The following KIAA1958 variants were observed in gnomAD, a reference collection of about 807,000 sequenced individuals.
KIAA1958 encodes the protein KIAA1958.
A neutral mutation model predicts 47.2 loss-of-function variants in KIAA1958; 14 were observed. That is an observed-to-expected ratio of 0.30 (90% CI 0.20 to 0.46). The LOEUF (loss-of-function observed/expected upper bound fraction) is 0.46, where lower values mean the gene tolerates loss of function less well. KIAA1958 is among the 20% of genes least tolerant of loss of function. The pLI, the probability that KIAA1958 is intolerant of heterozygous loss-of-function variation, is 1.00. For missense variants in KIAA1958, 803 were observed against 909.2 expected, an observed-to-expected ratio of 0.88 and a Z score of 1.50; for synonymous variants, 354 against 353.3, an observed-to-expected ratio of 1.00 and a Z score of -0.02.
At chr9:112,659,128 C>G (rs1588057241) in intron 3 of KIAA1958, 135 bp from the exon 4 acceptor site, 1 of 683,476 alleles carries the variant, frequency 1.5e-6, no homozygotes, top group East Asian at 2.6e-5. Flanking sequence ...GTTTGAAATT[C>G]ACTGTTCTTT....
At chr9:112,532,705 C>T (rs1283410614) in intron 1 of KIAA1958, among the ~76,000 whole-genome samples, 3 of 152,202 alleles carry the variant, frequency 2.0e-5, no homozygotes, top group African/African-American at 7.2e-5. Flanking sequence ...GGATTAGTTC[C>T]TCCAGTTTGT....
At chr9:112,632,095 A>G (rs1836719605) in intron 2 of KIAA1958, among the ~76,000 whole-genome samples, 1 of 152,134 alleles carries the variant, frequency 6.6e-6, no homozygotes, top group Admixed American at 6.5e-5. Context: ...ACTTGCAAAT[A>G]TAATATGTTC....
chr9:112,589,796 C>T (rs575491141), intron 2 of KIAA1958, among the ~76,000 whole-genome samples: 28 of 152,266 alleles, frequency 1.8e-4, no homozygotes, highest in African/African-American at 6.0e-4. Flanking sequence ...CCAGTACCCA[C>T]GATAGAGGTC....
intron 2 of KIAA1958, among the ~76,000 whole-genome samples, chr9:112,610,375 A>G (rs940066514): frequency 1.2e-4 from 18 of 152,156 alleles, no homozygotes; most frequent in African/African-American, 3.4e-4. Flanking sequence ...AGAAAAAAGT[A>G]GAACCAATGA....
chr9:112,556,081 A>C (rs1052233566), intron 1 of KIAA1958, among the ~76,000 whole-genome samples: 1 of 151,548 alleles, frequency 6.6e-6, no homozygotes, highest in African/African-American at 2.4e-5. Context: ...CTCTGTCTCC[A>C]AAAAAAAAGC....
chr9:112,501,674 A>G (rs1834143007), intron 1 of KIAA1958, among the ~76,000 whole-genome samples: 1 of 152,200 alleles, frequency 6.6e-6, no homozygotes, highest in African/African-American at 2.4e-5. Flanking sequence ...AGAGACGGGA[A>G]GGGCATGAGG....
chr9:112,491,412 TC>T (rs1833966227), intron 1 of KIAA1958, among the ~76,000 whole-genome samples: 1 of 152,152 alleles, frequency 6.6e-6, no homozygotes, highest in Admixed American at 6.5e-5. Context: ...AGGGAGTAGC[TC>T]CCCCCTTGGT....
intron 1 of KIAA1958, among the ~76,000 whole-genome samples, chr9:112,534,858 T>A (rs1834824549): frequency 6.6e-6 from 1 of 152,212 alleles, no homozygotes; most frequent in Non-Finnish European, 1.5e-5. Context: ...TTTTTCTTAT[T>A]GATTTATGAA....
chr9:112,529,953 C>CTGGGA (rs1834725416), intron 1 of KIAA1958, among the ~76,000 whole-genome samples: 1 of 152,106 alleles, frequency 6.6e-6, no homozygotes, highest in Non-Finnish European at 1.5e-5. Context: ...ACACCATTCT[C>CTGGGA]CTGCCTCAGC....
intron 2 of KIAA1958, among the ~76,000 whole-genome samples, chr9:112,587,534 C>T (rs1338347677): frequency 2.0e-5 from 3 of 152,144 alleles, no homozygotes; most frequent in Non-Finnish European, 4.4e-5. Flanking sequence ...TAGGTAAGAA[C>T]AGTGATCAGA....
At chr9:112,627,250 G>C (rs764329858) in intron 2 of KIAA1958, among the ~76,000 whole-genome samples, 2 of 152,094 alleles carry the variant, frequency 1.3e-5, no homozygotes, top group Admixed American at 6.5e-5. Flanking sequence ...CAAGAATTCT[G>C]AACTTTTCTA....
chr9:112,631,462 T>G (rs1221754530), intron 2 of KIAA1958, among the ~76,000 whole-genome samples: 2 of 135,846 alleles, frequency 1.5e-5, no homozygotes, highest in African/African-American at 5.7e-5. Context: ...GGAAAGGAGA[T>G]AGGGAATGCA....
chr9:112,583,484 T>TA (rs1332437990), intron 2 of KIAA1958, among the ~76,000 whole-genome samples: 1 of 152,178 alleles, frequency 6.6e-6, no homozygotes, highest in Non-Finnish European at 1.5e-5. Flanking sequence ...ATGCCTGTCT[T>TA]AGACTTTCTC....
chr9:112,608,273 CTAA>C (rs1232414163), intron 2 of KIAA1958, among the ~76,000 whole-genome samples: 2 of 152,058 alleles, frequency 1.3e-5, no homozygotes, highest in African/African-American at 4.8e-5. Flanking sequence ...GATATTTAAA[CTAA>C]TAATTTAAAC....
chr9:112,631,944 C>T (rs1270962027), intron 2 of KIAA1958, among the ~76,000 whole-genome samples: 1 of 152,096 alleles, frequency 6.6e-6, no homozygotes, highest in Non-Finnish European at 1.5e-5. Flanking sequence ...TAAAGAACAT[C>T]CTTGAGGATA....
intron 2 of KIAA1958, among the ~76,000 whole-genome samples, chr9:112,630,547 T>G (rs1836692715): frequency 6.6e-6 from 1 of 152,224 alleles, no homozygotes; most frequent in Non-Finnish European, 1.5e-5. Flanking sequence ...TAAAATTAAC[T>G]TATTTTTAAG....
intron 1 of KIAA1958, among the ~76,000 whole-genome samples, chr9:112,506,034 T>C (rs1192826687): frequency 1.3e-5 from 2 of 152,210 alleles, no homozygotes; most frequent in Non-Finnish European, 2.9e-5. Context: ...ACTCATATAA[T>C]GGATATAATT....
intron 2 of KIAA1958, among the ~76,000 whole-genome samples, chr9:112,610,484 A>C (rs539661894): frequency 1.3e-5 from 2 of 152,166 alleles, no homozygotes; most frequent in African/African-American, 4.8e-5. Flanking sequence ...GGAAGCATAG[A>C]TATAGAAGAC....
At chr9:112,645,002 G>T (rs964420128) in intron 2 of KIAA1958, among the ~76,000 whole-genome samples, 19 of 124,302 alleles carry the variant, frequency 1.5e-4, no homozygotes, top group African/African-American at 5.2e-4. Flanking sequence ...AGACGTGATG[G>T]CAGGTGCCTA....
Sources: gnomAD v4.1 joint callset for allele counts (sites outside exome capture counted in the v4.1 genomes callset) on GRCh38, gnomAD v4.1.1 for gene constraint, MANE v1.5 for transcripts, NCBI Gene and HGNC (gene_info 2026-07-23, HGNC 2026-07-21) for gene names.